The following BRCA2 variants were observed in gnomAD, a reference collection of about 807,000 sequenced individuals.
The protein encoded by BRCA2 is breast cancer type 2 susceptibility protein.
A neutral mutation model predicts 276.7 loss-of-function variants in BRCA2; 203 were observed. The ratio of observed to expected loss-of-function variants is 0.73; its 90% CI spans 0.65 to 0.82. The LOEUF (loss-of-function observed/expected upper bound fraction) is 0.82. Ranked by LOEUF, BRCA2 falls within the 40% of genes least tolerant of loss-of-function variation. BRCA2 has a pLI of 0.00. For synonymous variants in BRCA2, 1,289 were observed against 1,338.4 expected (o/e 0.96, Z 0.81); for missense variants, 3,920 against 3,915.0 (o/e 1.00, Z -0.03).
Position 32,390,482 on chromosome 13 carries a change from A to T in BRCA2, c.9257-4207A>T, listed in dbSNP as rs549280921. On this transcript the variant is annotated intron_variant, in intron 24 of 26. Coordinates refer to ENST00000380152, the MANE Select transcript of BRCA2 (RefSeq NM_000059.4). ...AAAACATAATAATAAAACAAACTGT[A>T]CAAGTTCATATTCCTGATGCATGAT... Among the ~76,000 whole-genome samples the T allele has an allele frequency of 8.5e-4, 130 of 152,314 alleles. 1 individual carries two copies. Among genetic ancestry groups the T allele is most frequent in the Non-Finnish European group, 1.7e-3 (117 of 68,020 alleles).
rs759293475 is a variant in BRCA2 at position 32,341,120 on chromosome 13, A to T, written c.6765A>T (p.Thr2255=). Residue 2255 remains threonine, a synonymous_variant, in exon 11 of 27, where the codon ACA becomes ACT. Transcript: ENST00000380152. ...GTCATGCCACACATTCTCTTTTTAC[A>T]TGTCCCGAAAATGAGGAAATGGTTT... ...LPSHATHSLF[T]CPENEEMVLS... 6.2e-7 allele frequency: 1 copy of T among 1,613,980 alleles called. No individual in the cohort carries two copies. Among genetic ancestry groups the T allele is most frequent in the South Asian group, 1.1e-5 (1 of 91,072 alleles).
chr13:32,371,566 T>C (rs961877774), intron 20 of BRCA2, among the ~76,000 whole-genome samples: 3 of 152,076 alleles, frequency 2.0e-5, no homozygotes, highest in African/African-American at 7.2e-5. Context: ...GGACATGTAA[T>C]TTACATGTCC....
rs80359058 is a variant in BRCA2 at position 32,363,342 on chromosome 13, C to G, written c.8140C>G (p.Gln2714Glu). The change falls in exon 18 of 27, where the codon CAA becomes GAA. Residue 2714 changes from glutamine to glutamate, a missense_variant. Physicochemically the swap from Gln to Glu is conservative, Grantham distance 29. Transcript: ENST00000380152. Reference protein sequence around the residue: ...SSNKTSSADTQKVAIIELTDG... With the variant: ...SSNKTSSADTEKVAIIELTDG... Reference sequence around the variant, plus strand: ...CAATAAAACTAGTAGTGCAGATACCCAAAAAGTGGCCATTATTGAACTTAC... The same window carrying G: ...CAATAAAACTAGTAGTGCAGATACCGAAAAAGTGGCCATTATTGAACTTAC... 2 of 1,614,062 alleles carry G rather than the reference C, an allele frequency of 1.2e-6. No individual in the cohort carries two copies. The highest frequency in any genetic ancestry group is 1.7e-6 in the Non-Finnish European group (2 of 1,179,998).
chr13:32,382,292 G>T (rs1394913434), intron 24 of BRCA2, among the ~76,000 whole-genome samples: 1 of 152,192 alleles, frequency 6.6e-6, no homozygotes, highest in Non-Finnish European at 1.5e-5. Flanking sequence ...ACTGGATGAG[G>T]TCACTGTGGG....
At chr13:32,396,795 T>C in intron 25 of BRCA2, 103 bp from the exon 26 acceptor site, 1 of 1,448,760 alleles carries the variant, frequency 6.9e-7, no homozygotes. Context: ...TTCATTCTTT[T>C]TTGGTCCAAA....
In BRCA2 at chr13:32,357,863, A is replaced by G. The variant is rs1064795508; in HGVS notation, c.7739A>G (p.Gln2580Arg). Residue 2580 changes from glutamine to arginine, a missense_variant, in exon 16 of 27, where the codon CAG (glutamine) becomes CGG (arginine). Physicochemically the swap from Gln to Arg is conservative, Grantham distance 43 (BLOSUM62 1). Coordinates refer to ENST00000380152, the MANE Select transcript of BRCA2 (RefSeq NM_000059.4). ...AGTTTATGGACTGGAAAAGGAATACAGTTGGCTGATGGTGGATGGCTCATA... is the reference window on the plus strand; with the variant it reads ...AGTTTATGGACTGGAAAAGGAATACGGTTGGCTGATGGTGGATGGCTCATA... ...KESLWTGKGIQLADGGWLIPS... is the reference protein window; with the variant it reads ...KESLWTGKGIRLADGGWLIPS... 3 of 1,614,026 alleles carry G rather than the reference A, an allele frequency of 1.9e-6. No individual in the cohort carries two copies. Among genetic ancestry groups the G allele is most frequent in the Admixed American group, 1.7e-5 (1 of 60,010 alleles).
At chr13:32,345,596 C>T (rs1278117875) in intron 12 of BRCA2, among the ~76,000 whole-genome samples, 1 of 151,874 alleles carries the variant, frequency 6.6e-6, no homozygotes, top group Non-Finnish European at 1.5e-5. Flanking sequence ...GTTGAGTATC[C>T]CTATCTGAAA....
rs533806629 is a variant in BRCA2, at chr13:32,370,951, T to C, written c.8488-5T>C. ...TTTTTTGGTGTGTGTAACACATTATTACAGTGGATGGAGAAGACATCATCT... is the reference window on the plus strand; with the variant it reads ...TTTTTTGGTGTGTGTAACACATTATCACAGTGGATGGAGAAGACATCATCT... On this transcript the variant is annotated splice_polypyrimidine_tract_variant and splice_region_variant and intron_variant, in intron 19 of 26. Coordinates refer to ENST00000380152, the MANE Select transcript of BRCA2 (RefSeq NM_000059.4). The C allele has an allele frequency of 3.2e-5, 52 of 1,614,092 alleles. 3 individuals are homozygous for C. In the South Asian group the frequency reaches 5.2e-4, roughly 16 times the overall value.
At chr13:32,360,208 A>G (rs2072729286) in intron 16 of BRCA2, among the ~76,000 whole-genome samples, 1 of 152,176 alleles carries the variant, frequency 6.6e-6, no homozygotes. Flanking sequence ...GTATTTGAGG[A>G]ACAGGAAGTT....
At chr13:32,360,293 C>A (rs151167707) in intron 16 of BRCA2, among the ~76,000 whole-genome samples, 1 of 152,150 alleles carries the variant, frequency 6.6e-6, no homozygotes, top group African/African-American at 2.4e-5. Flanking sequence ...CATAGACCTT[C>A]GTAAGACCCT....
At chr13:32,372,360 G>T (rs2072840448) in intron 20 of BRCA2, among the ~76,000 whole-genome samples, 1 of 152,204 alleles carries the variant, frequency 6.6e-6, no homozygotes, top group South Asian at 2.1e-4. Flanking sequence ...AAGAATACCT[G>T]AGACTGGGTA....
Position 32,338,029 on chromosome 13 carries a change from C to T in BRCA2, c.3674C>T (p.Thr1225Ile), listed in dbSNP as rs1490822985. 1 of 1,611,968 alleles carries T rather than the reference C, an allele frequency of 6.2e-7. No individual in the cohort carries two copies. Among genetic ancestry groups the T allele is most frequent in the East Asian group, 2.2e-5 (1 of 44,850 alleles). ...AGGGGCTTTTATTCTGCTCATGGCA[C>T]AAAACTGAATGTTTCTACTGAAGCT... ...GFRGFYSAHG[T>I]KLNVSTEALQ... Residue 1225 changes from threonine to isoleucine, a missense_variant, in exon 11 of 27, where the codon ACA becomes ATA. Transcript: ENST00000380152.
chr13:32,329,623 C>A, intron 8 of BRCA2, 131 bp downstream of exon 8: 1 of 756,586 alleles, frequency 1.3e-6, no homozygotes, highest in South Asian at 1.7e-5. Context: ...AGTCTCTAAA[C>A]CTGGTCCTAT....
At chr13:32,397,694 T>C (rs973568522) in intron 26 of BRCA2, among the ~76,000 whole-genome samples, 21 of 152,192 alleles carry the variant, frequency 1.4e-4, no homozygotes, top group African/African-American at 4.8e-4. Context: ...TTATGTTAAG[T>C]GAGGACTTGA....
At position 32,332,422 on chromosome 13, in the gene BRCA2, G is replaced by T; in HGVS notation, c.944G>T (p.Cys315Phe). ...EDSFSLCFSK[C>F]RTKNLQKVRT... Reference sequence around the variant, plus strand: ...AGTTTTTCATTATGTTTTTCTAAATGTAGAACAAAAAATCTACAAAAAGTA... The same window carrying T: ...AGTTTTTCATTATGTTTTTCTAAATTTAGAACAAAAAATCTACAAAAAGTA... Residue 315 changes from cysteine to phenylalanine, a missense_variant, in exon 10 of 27, where the codon TGT becomes TTT. Physicochemically the swap from Cys to Phe is radical, Grantham distance 205. Around this residue, in one of 2 missense-constraint regions of BRCA2, gnomAD observed 3,263 missense variants for 3,156.9 expected, o/e 1.03. Transcript: ENST00000380152. 6.3e-7 allele frequency: 1 copy of T among 1,590,902 alleles called. No individual in the cohort carries two copies. The highest frequency in any genetic ancestry group is 8.5e-7 in the Non-Finnish European group (1 of 1,171,516).
intron 20 of BRCA2, among the ~76,000 whole-genome samples, chr13:32,371,444 G>GTC (rs945224369): frequency 6.6e-6 from 1 of 151,932 alleles, no homozygotes; most frequent in Non-Finnish European, 1.5e-5. Flanking sequence ...ATGGTGTTTT[G>GTC]ATGTTTATAT....
chr13:32,348,784 A>G (rs1450946667), intron 13 of BRCA2, among the ~76,000 whole-genome samples: 1 of 152,232 alleles, frequency 6.6e-6, no homozygotes, highest in Non-Finnish European at 1.5e-5. Flanking sequence ...GGGAGATCCC[A>G]GAGTAGCTGT....
intron 24 of BRCA2, chr13:32,385,467 CTT>C: frequency 4.7e-6 from 1 of 214,364 alleles, no homozygotes; most frequent in Middle Eastern, 5.7e-4. Context: ...GAAGAGAAGA[CTT>C]TGTGGATGAA....
At chr13:32,371,130 AT>A in intron 20 of BRCA2, 30 bp downstream of exon 20, 3 of 1,605,346 alleles carry the variant, frequency 1.9e-6, no homozygotes, top group Non-Finnish European at 1.7e-6. Context: ...ACACATTGTT[AT>A]TTCTAATATG....
Sources: allele counts gnomAD v4.1 joint callset (sites outside exome capture counted in the v4.1 genomes callset), GRCh38; gene constraint gnomAD v4.1.1; regional missense constraint gnomAD v4.1.1; transcripts MANE v1.5; gene names NCBI Gene and HGNC (gene_info 2026-07-23, HGNC 2026-07-21).